Variants in PTPRO observed in about 807,000 individuals in gnomAD.
PTPRO encodes the protein protein tyrosine phosphatase receptor type O.
A neutral mutation model predicts 145.2 loss-of-function variants in PTPRO; 62 were observed. That is an observed-to-expected ratio of 0.43 (90% CI 0.35 to 0.53). The LOEUF (loss-of-function observed/expected upper bound fraction) is 0.53, where lower values mean the gene tolerates loss of function less well. PTPRO is among the 20% of genes least tolerant of loss of function. PTPRO has a pLI of 0.01. For missense variants in PTPRO, 1,345 were observed against 1,482.7 expected, an observed-to-expected ratio of 0.91 and a Z score of 1.53; for synonymous variants, 565 against 514.7, an observed-to-expected ratio of 1.10 and a Z score of -1.32.
rs371376476 is a variant in PTPRO, at chr12:15,501,117, G to A, written c.662-503G>A. 3.9e-4 allele frequency among the ~76,000 whole-genome samples: 60 copies of A among 152,206 alleles called. 1 individual carries two copies. The South Asian group carries it at 0.011, about 28-fold the overall frequency. ...TCATTTTAGGGAGGTGAGGAGTGAA[G>A]CTATATTTCTAACATGTGTGTTAAC... On this transcript the variant is annotated intron_variant, in intron 4 of 26. Transcript: ENST00000281171.
At chr12:15,485,797 A>G (rs1941873646) in intron 2 of PTPRO, among the ~76,000 whole-genome samples, 1 of 152,186 alleles carries the variant, frequency 6.6e-6, no homozygotes, top group Non-Finnish European at 1.5e-5. Flanking sequence ...TTCAAAATAT[A>G]TTCTATTTTC....
At chr12:15,470,748 T>C (rs1221434710) in intron 1 of PTPRO, among the ~76,000 whole-genome samples, 1 of 152,204 alleles carries the variant, frequency 6.6e-6, no homozygotes, top group Non-Finnish European at 1.5e-5. Context: ...AGACTTTAGC[T>C]ATCACCTACA....
At chr12:15,324,554 T>C (rs372370990) in intron 1 of PTPRO, among the ~76,000 whole-genome samples, 3 of 152,230 alleles carry the variant, frequency 2.0e-5, no homozygotes, top group East Asian at 1.9e-4. Context: ...ATGTAAATTA[T>C]GGCAAACTGC....
chr12:15,526,083 G>T, intron 11 of PTPRO, 59 bp from the exon 12 acceptor site: 2 of 1,607,940 alleles, frequency 1.2e-6, no homozygotes, highest in South Asian at 1.1e-5. Flanking sequence ...TAGTTGTTTG[G>T]GGTGGTGCAC....
chr12:15,561,656 GCA>G (rs1311472300), intron 17 of PTPRO, among the ~76,000 whole-genome samples: 1 of 152,084 alleles, frequency 6.6e-6, no homozygotes, highest in African/African-American at 2.4e-5. Context: ...GGTATGAATA[GCA>G]CACATAAATT....
chr12:15,487,494 T>C (rs1363388167), intron 2 of PTPRO, among the ~76,000 whole-genome samples: 1 of 152,168 alleles, frequency 6.6e-6, no homozygotes, highest in East Asian at 1.9e-4. Context: ...CTCCTTTGTA[T>C]TCAGGAAAGG....
intron 1 of PTPRO, among the ~76,000 whole-genome samples, chr12:15,469,618 G>T (rs1941493266): frequency 6.6e-6 from 1 of 152,038 alleles, no homozygotes; most frequent in African/African-American, 2.4e-5. Flanking sequence ...GTGAGCTCAG[G>T]CTGTCATTTG....
intron 19 of PTPRO, among the ~76,000 whole-genome samples, chr12:15,571,866 G>T (rs1414045660): frequency 6.6e-6 from 1 of 152,144 alleles, no homozygotes; most frequent in Non-Finnish European, 1.5e-5. Context: ...GGTATTGGGA[G>T]AACCAAACCA....
At chr12:15,432,898 G>C (rs1034069098) in intron 1 of PTPRO, among the ~76,000 whole-genome samples, 1 of 152,106 alleles carries the variant, frequency 6.6e-6, no homozygotes, top group African/African-American at 2.4e-5. Flanking sequence ...CTGGATATTA[G>C]ATCTTTGTCA....
intron 18 of PTPRO, 33 bp from the exon 19 acceptor site, chr12:15,569,384 A>C (rs1943984873): frequency 1.3e-6 from 2 of 1,532,030 alleles, no homozygotes; most frequent in Non-Finnish European, 1.8e-6. Flanking sequence ...AAGAATTTTA[A>C]AATGTATGTA....
In PTPRO at chr12:15,545,849, C is replaced by G. The variant is rs369000131; in HGVS notation, c.2165-720C>G. Among the ~76,000 whole-genome samples the G allele has an allele frequency of 4.6e-5, 7 of 152,064 alleles. No homozygotes were observed. In the South Asian group the frequency reaches 1.5e-3, roughly 32 times the overall value. On this transcript the variant is annotated intron_variant, in intron 12 of 26. Transcript: ENST00000281171. ...AGGAGTTTGAGACCAACTTGAGCAA[C>G]ATGGCAAAACTCCATCTCTGCAAAA...
At chr12:15,386,404 A>G (rs1315451647) in intron 1 of PTPRO, among the ~76,000 whole-genome samples, 1 of 152,212 alleles carries the variant, frequency 6.6e-6, no homozygotes, top group Non-Finnish European at 1.5e-5. Flanking sequence ...GGAGCAGTTA[A>G]CCAGTAGAAT....
At chr12:15,409,202 G>A (rs1346639260) in intron 1 of PTPRO, among the ~76,000 whole-genome samples, 3 of 152,094 alleles carry the variant, frequency 2.0e-5, no homozygotes, top group Admixed American at 6.6e-5. Context: ...CGTCAAAACA[G>A]TGTAGCTGTC....
chr12:15,496,277 G>A (rs1401359593), intron 2 of PTPRO, among the ~76,000 whole-genome samples: 7 of 150,982 alleles, frequency 4.6e-5, no homozygotes, highest in African/African-American at 1.7e-4. Context: ...CCAGCAGCTG[G>A]GATTACAGGC....
At chr12:15,408,118 C>T (rs1357279797) in intron 1 of PTPRO, among the ~76,000 whole-genome samples, 1 of 151,954 alleles carries the variant, frequency 6.6e-6, no homozygotes. Context: ...ATGAATCTTT[C>T]CCTCCTTCAG....
chr12:15,478,522 T>A (rs997354504), intron 1 of PTPRO, among the ~76,000 whole-genome samples: 1 of 152,164 alleles, frequency 6.6e-6, no homozygotes, highest in African/African-American at 2.4e-5. Context: ...TTTTAAGGAT[T>A]ACAAACCTTT....
At chr12:15,548,797 T>A (rs1943371783) in intron 13 of PTPRO, among the ~76,000 whole-genome samples, 1 of 152,128 alleles carries the variant, frequency 6.6e-6, no homozygotes. Context: ...ATTAGCAGAA[T>A]AATGTGTAGG....
At chr12:15,504,982 T>G (rs767087433) in intron 6 of PTPRO, among the ~76,000 whole-genome samples, 1 of 152,122 alleles carries the variant, frequency 6.6e-6, no homozygotes, top group Non-Finnish European at 1.5e-5. Flanking sequence ...GCCTTAAAGA[T>G]TTATCAGATG....
intron 1 of PTPRO, among the ~76,000 whole-genome samples, chr12:15,362,335 C>A (rs1371759276): frequency 3.9e-5 from 6 of 152,116 alleles, no homozygotes. Context: ...TGAGTCCCTG[C>A]GTGTTATTCC....
Sources: allele counts gnomAD v4.1 joint callset (sites outside exome capture counted in the v4.1 genomes callset), GRCh38; gene constraint gnomAD v4.1.1; transcripts MANE v1.5; gene names NCBI Gene and HGNC (gene_info 2026-07-23, HGNC 2026-07-21).